BABAM2: variants seen among roughly 807,000 people sequenced by gnomAD.
The protein encoded by BABAM2 is BRISC and BRCA1-A complex member 2.
Under a neutral mutation model 54.7 loss-of-function variants are expected in BABAM2, and 31 were observed. That is an observed-to-expected ratio of 0.57 (90% confidence interval 0.43 to 0.77). The LOEUF (loss-of-function observed/expected upper bound fraction) is 0.77, where lower values mean the gene tolerates loss of function less well. Ranked by LOEUF, BABAM2 falls within the 30% of genes least tolerant of loss-of-function variation. BABAM2 has a pLI of 0.00. For synonymous variants in BABAM2, 167 were observed against 162.9 expected, an observed-to-expected ratio of 1.03 and a Z score of -0.19; for missense variants, 364 against 455.8, an observed-to-expected ratio of 0.80 and a Z score of 1.83.
chr2:28,229,728 G>T (rs186419829), intron 7 of BABAM2, among the ~76,000 whole-genome samples: 1 of 152,006 alleles, frequency 6.6e-6, no homozygotes, highest in East Asian at 1.9e-4. Flanking sequence ...GGAACTACAG[G>T]TGTGCACCAC....
chr2:28,192,736 A>G (rs1010179160), intron 7 of BABAM2, among the ~76,000 whole-genome samples: 3 of 151,474 alleles, frequency 2.0e-5, no homozygotes, highest in African/African-American at 7.3e-5. Flanking sequence ...GTTGGCCAGG[A>G]TGATCTCTAT....
chr2:27,896,867 C>T (rs761382704), intron 2 of BABAM2: 51 of 200,728 alleles, frequency 2.5e-4, no homozygotes, highest in Middle Eastern at 1.4e-3. Context: ...ACAGGGAGCT[C>T]GTGGTCTCTG....
At chr2:28,141,528 C>T (rs1671056654) in intron 7 of BABAM2, among the ~76,000 whole-genome samples, 1 of 152,118 alleles carries the variant, frequency 6.6e-6, no homozygotes, top group African/African-American at 2.4e-5. Context: ...TCATGAAGAC[C>T]TCTCCTACTC....
chr2:27,935,650 G>C (rs1248817989), intron 3 of BABAM2, among the ~76,000 whole-genome samples: 2 of 152,212 alleles, frequency 1.3e-5, no homozygotes, highest in African/African-American at 4.8e-5. Context: ...CTACTGTTGA[G>C]TACAATTCTA....
At chr2:28,127,715 T>G (rs1669677558) in intron 6 of BABAM2, among the ~76,000 whole-genome samples, 2 of 151,848 alleles carry the variant, frequency 1.3e-5, no homozygotes, top group Non-Finnish European at 2.9e-5. Flanking sequence ...ATGGCCAGCT[T>G]CCCAGGATGA....
At chr2:28,059,843 A>T (rs541655032) in intron 6 of BABAM2, among the ~76,000 whole-genome samples, 54 of 152,306 alleles carry the variant, frequency 3.5e-4, no homozygotes, top group African/African-American at 1.2e-3. Flanking sequence ...GATAATTTGG[A>T]TAGCCTTGTG....
intron 10 of BABAM2, among the ~76,000 whole-genome samples, chr2:28,280,624 T>A (rs1348400618): frequency 6.6e-6 from 1 of 152,228 alleles, no homozygotes; most frequent in African/African-American, 2.4e-5. Context: ...AATATTCCTC[T>A]AGACCTGGGG....
chr2:28,285,454 A>G (rs759318551), intron 10 of BABAM2, among the ~76,000 whole-genome samples: 2 of 152,218 alleles, frequency 1.3e-5, no homozygotes, highest in Non-Finnish European at 2.9e-5. Context: ...TGCACGGTAT[A>G]AGTCCAGCAT....
chr2:27,918,690 A>T (rs1381220565), intron 2 of BABAM2, among the ~76,000 whole-genome samples: 1 of 152,132 alleles, frequency 6.6e-6, no homozygotes, highest in Non-Finnish European at 1.5e-5. Context: ...GAGAACTTAC[A>T]ACTTTTCATT....
intron 7 of BABAM2, among the ~76,000 whole-genome samples, chr2:28,138,987 T>C (rs1558375586): frequency 6.6e-6 from 1 of 152,168 alleles, no homozygotes; most frequent in African/African-American, 2.4e-5. Context: ...CATATGACAT[T>C]GTTCTCTCTG....
At chr2:28,170,337 TCTTTG>T (rs902282301) in intron 7 of BABAM2, among the ~76,000 whole-genome samples, 2 of 152,068 alleles carry the variant, frequency 1.3e-5, no homozygotes, top group South Asian at 2.1e-4. Context: ...TTAATTTTTC[TCTTTG>T]CTTTGTCTAC....
In BABAM2 at chr2:28,022,283, G is replaced by A. The variant is rs147295281; in HGVS notation, c.301-2943G>A. On this transcript the variant is annotated intron_variant, in intron 4 of 11. Coordinates refer to ENST00000379624, the MANE Select transcript of BABAM2 (RefSeq NM_199191.3). ...CGCTCATGACCACAAAGAGGCAAGT[G>A]CCAGTTCGTTGGTTCAAAACTGATA... is the stretch of plus-strand genomic sequence containing the variant. 1.9e-3 allele frequency among the ~76,000 whole-genome samples: 282 copies of A among 152,322 alleles called. 2 individuals carry two copies. The highest frequency in any genetic ancestry group is 6.4e-3 in the African/African-American group (267 of 41,582).
At chr2:28,197,424 G>T (rs1360432424) in intron 7 of BABAM2, among the ~76,000 whole-genome samples, 1 of 152,186 alleles carries the variant, frequency 6.6e-6, no homozygotes, top group East Asian at 1.9e-4. Context: ...TGCTTTGCAA[G>T]TGCTCAACGA....
At chr2:27,918,975 C>T (rs1667173579) in intron 2 of BABAM2, among the ~76,000 whole-genome samples, 1 of 152,194 alleles carries the variant, frequency 6.6e-6, no homozygotes, top group South Asian at 2.1e-4. Flanking sequence ...CAGGCATGAG[C>T]CACTGTGCCC....
In BABAM2 at chr2:28,045,763, C is replaced by G; in HGVS notation, c.534C>G (p.Pro178=). The change falls in exon 6 of 12, where the codon CCC becomes CCG. Residue 178 remains proline, a synonymous_variant. Transcript: ENST00000379624. Reference sequence around the variant, plus strand: ...CAGCTCGTTTCCTTTTGAAGCTGCCCGTAGATTTCAGCAATATCCCCACAT... The same window carrying G: ...CAGCTCGTTTCCTTTTGAAGCTGCCGGTAGATTTCAGCAATATCCCCACAT... The part of the protein sequence containing the change: ...EFSARFLLKL[P]VDFSNIPTYL... The G allele has an allele frequency of 6.2e-7, 1 of 1,611,058 alleles. No homozygotes were observed. Among genetic ancestry groups the G allele is most frequent in the Non-Finnish European group, 8.5e-7 (1 of 1,178,130 alleles).
chr2:28,039,970 A>T (rs77078111), intron 5 of BABAM2, among the ~76,000 whole-genome samples: 15 of 152,224 alleles, frequency 9.9e-5, no homozygotes, highest in African/African-American at 3.6e-4. Flanking sequence ...AAAAAAAAAA[A>T]ATCAAATTAT....
At chr2:28,076,887 T>TTGA (rs1468158811) in intron 6 of BABAM2, among the ~76,000 whole-genome samples, 20 of 152,202 alleles carry the variant, frequency 1.3e-4, no homozygotes, top group African/African-American at 3.4e-4. Flanking sequence ...CATGCACTCT[T>TTGA]TAAGGACAGG....
chr2:27,954,225 G>C (rs1040818986), intron 3 of BABAM2, among the ~76,000 whole-genome samples: 5 of 152,164 alleles, frequency 3.3e-5, no homozygotes, highest in African/African-American at 4.8e-5. Context: ...AAATAAATAA[G>C]AACATGTCTC....
Position 28,025,379 on chromosome 2 carries a change from G to A in BABAM2, c.454G>A (p.Gly152Arg), listed in dbSNP as rs757176453. ...YQTLLEEPQYGENMEIYAGKK... is the reference protein window; with the variant it reads ...YQTLLEEPQYRENMEIYAGKK... ...GACATTACTGGAGGAGCCACAGTAT[G>A]GAGAGAACATGGAAATTTATGCTGG... Residue 152 changes from glycine (G) to arginine (R), a missense_variant, in exon 5 of 12, where the codon GGA becomes AGA. Transcript: ENST00000379624. 3.1e-6 allele frequency: 5 copies of A among 1,590,070 alleles called. No homozygotes were observed. The highest frequency in any genetic ancestry group is 3.8e-5 in the Admixed American group (2 of 52,316).
Sources: gnomAD v4.1 joint callset for allele counts (sites outside exome capture counted in the v4.1 genomes callset) on GRCh38, gnomAD v4.1.1 for gene constraint, MANE v1.5 for transcripts, NCBI Gene and HGNC (gene_info 2026-07-23, HGNC 2026-07-21) for gene names.